DLG2: variants seen among roughly 807,000 people sequenced by gnomAD.
The protein encoded by DLG2 is disks large homolog 2.
A neutral mutation model predicts 132.5 loss-of-function variants in DLG2; 45 were observed. The ratio of observed to expected loss-of-function variants is 0.34; its 90% CI spans 0.27 to 0.44. The LOEUF (loss-of-function observed/expected upper bound fraction) is 0.44, where lower values mean the gene tolerates loss of function less well. Ranked by LOEUF, DLG2 falls within the 20% of genes least tolerant of loss-of-function variation. The probability of loss-of-function intolerance (pLI) is 1.00; values close to 1 mark genes in which losing one functional copy is unlikely to be tolerated. For missense variants in DLG2, 1,045 were observed against 1,196.9 expected, an observed-to-expected ratio of 0.87 and a Z score of 1.87; for synonymous variants, 424 against 419.6, an observed-to-expected ratio of 1.01 and a Z score of -0.13.
chr11:83,753,904 T>A (rs117357527), intron 18 of DLG2, among the ~76,000 whole-genome samples: 19,643 of 125,902 alleles, frequency 0.16, 2,475 homozygotes, highest in African/African-American at 0.25. Flanking sequence ...ATATATATAT[T>A]TCATATATAT....
intron 11 of DLG2, among the ~76,000 whole-genome samples, chr11:84,035,710 T>G (rs2095847163): frequency 1.3e-5 from 2 of 152,020 alleles, no homozygotes; most frequent in South Asian, 4.1e-4. Context: ...CTTTAAAATA[T>G]TACTCAAGCT....
intron 18 of DLG2, among the ~76,000 whole-genome samples, chr11:83,667,254 C>T (rs1454999527): frequency 6.6e-6 from 1 of 152,050 alleles, no homozygotes; most frequent in Non-Finnish European, 1.5e-5. Flanking sequence ...TTCATTTGCC[C>T]TTTGAAATGG....
At chr11:83,858,579 G>A (rs2060922900) in intron 16 of DLG2, among the ~76,000 whole-genome samples, 1 of 152,146 alleles carries the variant, frequency 6.6e-6, no homozygotes, top group Non-Finnish European at 1.5e-5. Flanking sequence ...TTCTCACAAG[G>A]AGGTGGACAT....
chr11:85,216,957 G>T (rs1337526655), intron 4 of DLG2, among the ~76,000 whole-genome samples: 5 of 152,012 alleles, frequency 3.3e-5, no homozygotes, highest in Non-Finnish European at 5.9e-5. Context: ...GCCTCCCAAA[G>T]TGCTGTGATT....
chr11:85,481,187 T>G (rs1015928953), intron 3 of DLG2, among the ~76,000 whole-genome samples: 4 of 152,142 alleles, frequency 2.6e-5, no homozygotes, highest in Admixed American at 6.5e-5. Flanking sequence ...TGTGTTTATG[T>G]TCGGTATCTA....
intron 7 of DLG2, among the ~76,000 whole-genome samples, chr11:84,457,882 A>G (rs562676557): frequency 1.3e-3 from 201 of 151,086 alleles, no homozygotes; most frequent in African/African-American, 4.7e-3. Flanking sequence ...GAAGCAATAC[A>G]TAGAATACAT....
intron 6 of DLG2, among the ~76,000 whole-genome samples, chr11:84,539,708 T>C (rs976840352): frequency 1.3e-5 from 2 of 152,284 alleles, no homozygotes; most frequent in East Asian, 1.9e-4. Flanking sequence ...GGAAGGTACG[T>C]TAAAGTTCAT....
intron 3 of DLG2, among the ~76,000 whole-genome samples, chr11:85,388,305 T>C (rs1192401628): frequency 6.6e-6 from 1 of 152,036 alleles, no homozygotes; most frequent in Non-Finnish European, 1.5e-5. Flanking sequence ...AAGCCCTGCT[T>C]AAGGAGAGTC....
intron 7 of DLG2, among the ~76,000 whole-genome samples, chr11:84,312,680 A>G (rs1211135443): frequency 1.3e-5 from 2 of 152,310 alleles, no homozygotes; most frequent in Middle Eastern, 3.4e-3. Flanking sequence ...TGATATAATT[A>G]TTTGTATATC....
At chr11:83,743,348 T>A (rs2092669020) in intron 18 of DLG2, among the ~76,000 whole-genome samples, 1 of 151,830 alleles carries the variant, frequency 6.6e-6, no homozygotes, top group South Asian at 2.1e-4. Flanking sequence ...GTCTTCTTTT[T>A]CTATGCCCTA....
intron 11 of DLG2, among the ~76,000 whole-genome samples, chr11:83,982,161 A>T (rs910608930): frequency 1.2e-4 from 18 of 152,142 alleles, no homozygotes; most frequent in Non-Finnish European, 2.1e-4. Context: ...ATAATAAATA[A>T]CTATGTTCCT....
chr11:85,460,837 T>A (rs549500749), intron 3 of DLG2, among the ~76,000 whole-genome samples: 1 of 152,340 alleles, frequency 6.6e-6, no homozygotes, highest in African/African-American at 2.4e-5. Flanking sequence ...TTAGACATCT[T>A]GTAATTTATG....
chr11:85,605,961 G>T (rs1311717393), intron 2 of DLG2, among the ~76,000 whole-genome samples: 1 of 151,888 alleles, frequency 6.6e-6, no homozygotes, highest in African/African-American at 2.4e-5. Flanking sequence ...ATGGGTGACA[G>T]ACAGAGATTC....
chr11:84,668,983 T>C (rs190099771), intron 6 of DLG2, among the ~76,000 whole-genome samples: 3 of 152,238 alleles, frequency 2.0e-5, no homozygotes, highest in Admixed American at 1.3e-4. Context: ...TTCCTTGTTC[T>C]AACAGGTGTA....
intron 17 of DLG2, among the ~76,000 whole-genome samples, chr11:83,833,001 T>C (rs1356652581): frequency 6.6e-6 from 1 of 152,190 alleles, no homozygotes; most frequent in African/African-American, 2.4e-5. Context: ...ATAAGTAATA[T>C]ATCATTTTTA....
At position 84,906,326 on chromosome 11, in the gene DLG2, G is replaced by C. The variant is rs147976012; in HGVS notation, c.357+205335C>G. Reference sequence around the variant, plus strand: ...GAGGTATGGGCACATGTGTGTGACAGGGAAAAAAGTACTCGATGACTTGAC... The same window carrying C: ...GAGGTATGGGCACATGTGTGTGACACGGAAAAAAGTACTCGATGACTTGAC... On this transcript the variant is annotated intron_variant, in intron 6 of 27. Transcript: ENST00000376104. Among the ~76,000 whole-genome samples, 192 of 149,838 alleles carry C rather than the reference G, an allele frequency of 1.3e-3. 6 individuals carry two copies. In the East Asian group the frequency reaches 0.023, roughly 18 times the overall value.
At chr11:84,585,892 C>A (rs1308222978) in intron 6 of DLG2, among the ~76,000 whole-genome samples, 3 of 152,228 alleles carry the variant, frequency 2.0e-5, no homozygotes, top group African/African-American at 7.2e-5. Flanking sequence ...GGGCTTACAC[C>A]TGTAATCCTA....
In DLG2 at chr11:85,611,333, TG is replaced by T. The variant is rs1352515713; in HGVS notation, c.-92-12546del. Reference sequence around the variant, plus strand: ...AGGAAGTTTATGGCTATCAGACAACTGCCTACTTAGATACCAGGCACTACTC... The same window carrying T: ...AGGAAGTTTATGGCTATCAGACAACTCCTACTTAGATACCAGGCACTACTC... On this transcript the variant is annotated intron_variant, in intron 2 of 27. Coordinates refer to ENST00000376104, the MANE Select transcript of DLG2 (RefSeq NM_001142699.3). Among the ~76,000 whole-genome samples the T allele has an allele frequency of 5.3e-4, 80 of 152,338 alleles. 3 individuals are homozygous for T. The highest frequency in any genetic ancestry group is 1.7e-3 in the African/African-American group (72 of 41,584).
At chr11:84,991,758 G>A (rs1380608548) in intron 6 of DLG2, among the ~76,000 whole-genome samples, 1 of 151,988 alleles carries the variant, frequency 6.6e-6, no homozygotes, top group Non-Finnish European at 1.5e-5. Context: ...TGGAGGGTAT[G>A]GCAGATCGTC....
Sources: allele counts gnomAD v4.1 joint callset (sites outside exome capture counted in the v4.1 genomes callset), GRCh38; gene constraint gnomAD v4.1.1; transcripts MANE v1.5; gene names NCBI Gene and HGNC (gene_info 2026-07-23, HGNC 2026-07-21).